The following COL19A1 variants were observed in gnomAD, a reference collection of about 807,000 sequenced individuals.
COL19A1 encodes the protein collagen alpha-1(XIX) chain.
In COL19A1, 159 loss-of-function variants were observed where a neutral mutation model predicts 190.2. The observed-to-expected ratio is 0.84, with a 90% CI of 0.73 to 0.95. COL19A1 has a LOEUF of 0.95. COL19A1 is among the 40% of genes least tolerant of loss of function. The pLI, the probability that COL19A1 is intolerant of heterozygous loss-of-function variation, is 0.00. For synonymous variants in COL19A1, 509 were observed against 458.9 expected (o/e 1.11, Z -1.39); for missense variants, 1,418 against 1,431.9 (o/e 0.99, Z 0.16).
chr6:70,202,466 A>C (rs900356930), intron 49 of COL19A1, among the ~76,000 whole-genome samples: 4 of 152,244 alleles, frequency 2.6e-5, no homozygotes, highest in African/African-American at 9.6e-5. Context: ...ATTTGACGAT[A>C]TATATCATCT....
chr6:69,975,710 T>C (rs898523052), intron 11 of COL19A1, among the ~76,000 whole-genome samples: 3 of 152,216 alleles, frequency 2.0e-5, no homozygotes, highest in African/African-American at 7.2e-5. Context: ...TTCTAGGTCC[T>C]TGAATTTTGT....
intron 2 of COL19A1, chr6:69,891,290 T>A (rs1346751126): frequency 6.5e-6 from 1 of 152,786 alleles, no homozygotes; most frequent in African/African-American, 2.4e-5. Flanking sequence ...AACCAACTAG[T>A]TTTAAGGTTT....
In COL19A1 at chr6:70,146,829, A is replaced by G. The variant is rs1786684224; in HGVS notation, c.1833A>G (p.Pro611=). ...PRGPKGERGL[P]GVHGSPGDIG... ...TTTCACAGGGTGAAAGAGGACTTCCAGGTGTTCACGGTTCCCCAGGGGACA... is the reference window on the plus strand; with the variant it reads ...TTTCACAGGGTGAAAGAGGACTTCCGGGTGTTCACGGTTCCCCAGGGGACA... The change falls in exon 27 of 51, where the codon CCA becomes CCG. Residue 611 remains proline (P), a synonymous_variant. Coordinates refer to ENST00000620364, the MANE Select transcript of COL19A1 (RefSeq NM_001858.6). 6.3e-7 allele frequency: 1 copy of G among 1,598,762 alleles called. No homozygotes were observed. The highest frequency in any genetic ancestry group is 1.3e-5 in the African/African-American group (1 of 74,350).
At position 69,917,618 on chromosome 6, in the gene COL19A1, C is replaced by T. The variant is rs1051316147; in HGVS notation, c.267-10291C>T. 3.9e-5 allele frequency among the ~76,000 whole-genome samples: 6 copies of T among 152,136 alleles called. No individual in the cohort carries two copies. In the Middle Eastern group the frequency reaches 0.01, roughly 259 times the overall value. ...GCACAAACCTATGAAGAAAACAGAA[C>T]AAGGTAATGTGTTAGATGGTGACTA... On this transcript the variant is annotated intron_variant, in intron 4 of 50. Transcript: ENST00000620364.
intron 4 of COL19A1, among the ~76,000 whole-genome samples, chr6:69,909,059 ATTAT>A (rs1770736724): frequency 6.6e-6 from 1 of 152,208 alleles, no homozygotes; most frequent in East Asian, 1.9e-4. Context: ...TAATGTCACT[ATTAT>A]TGCCTTCAAA....
At chr6:70,018,645 AT>A (rs1582693472) in intron 11 of COL19A1, among the ~76,000 whole-genome samples, 1 of 152,104 alleles carries the variant, frequency 6.6e-6, no homozygotes, top group East Asian at 1.9e-4. Flanking sequence ...CAGGTAGTTG[AT>A]TTGAGAGGGA....
At chr6:69,903,141 C>T (rs1770297271) in intron 4 of COL19A1, among the ~76,000 whole-genome samples, 1 of 152,198 alleles carries the variant, frequency 6.6e-6, no homozygotes, top group Non-Finnish European at 1.5e-5. Context: ...CTTTGGTGAT[C>T]ACTATCTACA....
intron 17 of COL19A1, 151 bp from the exon 18 acceptor site, chr6:70,130,031 G>A (rs887131699): frequency 1.6e-5 from 11 of 699,498 alleles, no homozygotes. Flanking sequence ...TTAACAACAG[G>A]CGAGAGAGAC....
chr6:69,906,236 A>G (rs549595104), intron 4 of COL19A1, among the ~76,000 whole-genome samples: 19 of 152,346 alleles, frequency 1.2e-4, no homozygotes, highest in African/African-American at 4.3e-4. Context: ...GAATTTCTAC[A>G]TGCTGTTGGT....
intron 13 of COL19A1, among the ~76,000 whole-genome samples, chr6:70,035,293 C>T (rs185797518): frequency 6.6e-6 from 1 of 152,066 alleles, no homozygotes; most frequent in Admixed American, 6.6e-5. Context: ...TTAGATGAAC[C>T]ATTTTTTAAA....
chr6:69,975,626 T>C (rs915798353), intron 11 of COL19A1, among the ~76,000 whole-genome samples: 1 of 152,246 alleles, frequency 6.6e-6, no homozygotes, highest in Non-Finnish European at 1.5e-5. Context: ...CTGATGTTTC[T>C]GTTTGTTAAC....
At chr6:70,063,475 T>C (rs947079300) in intron 14 of COL19A1, among the ~76,000 whole-genome samples, 1 of 151,866 alleles carries the variant, frequency 6.6e-6, no homozygotes, top group African/African-American at 2.4e-5. Flanking sequence ...GGGACACATT[T>C]AAAGCAGTGT....
At chr6:70,092,025 G>A (rs1287361927) in intron 15 of COL19A1, among the ~76,000 whole-genome samples, 2 of 152,110 alleles carry the variant, frequency 1.3e-5, no homozygotes, top group East Asian at 1.9e-4. Flanking sequence ...AAAGGTCATC[G>A]ATACATTTTC....
At chr6:69,906,203 A>G (rs1391727218) in intron 4 of COL19A1, among the ~76,000 whole-genome samples, 1 of 152,184 alleles carries the variant, frequency 6.6e-6, no homozygotes, top group Non-Finnish European at 1.5e-5. Context: ...ATGTCTTAGT[A>G]TTGAATATTT....
intron 11 of COL19A1, among the ~76,000 whole-genome samples, chr6:70,018,373 A>C (rs1481042084): frequency 6.6e-6 from 1 of 152,098 alleles, no homozygotes; most frequent in African/African-American, 2.4e-5. Context: ...AAGGACCTAG[A>C]ATTAGGTTAG....
chr6:70,186,957 A>G (rs1766559539), intron 46 of COL19A1, among the ~76,000 whole-genome samples: 1 of 152,122 alleles, frequency 6.6e-6, no homozygotes, highest in South Asian at 2.1e-4. Context: ...AACTCACCGC[A>G]ACCTCCGCCT....
At chr6:70,127,101 G>A (rs928326201) in intron 17 of COL19A1, among the ~76,000 whole-genome samples, 2 of 152,104 alleles carry the variant, frequency 1.3e-5, no homozygotes, top group Non-Finnish European at 2.9e-5. Flanking sequence ...CTAGTTTCTG[G>A]CCAGACAAAA....
intron 17 of COL19A1, among the ~76,000 whole-genome samples, chr6:70,125,949 C>T (rs1226542091): frequency 1.3e-5 from 2 of 152,060 alleles, no homozygotes; most frequent in Non-Finnish European, 2.9e-5. Context: ...CCTTACTACA[C>T]TTTAAATGGA....
intron 10 of COL19A1, among the ~76,000 whole-genome samples, chr6:69,960,795 T>A (rs1326036940): frequency 6.6e-6 from 1 of 151,574 alleles, no homozygotes; most frequent in African/African-American, 2.4e-5. Flanking sequence ...GCCGGCTAAT[T>A]TTTTTTTGTA....
Sources: gnomAD v4.1 joint callset for allele counts (sites outside exome capture counted in the v4.1 genomes callset) on GRCh38, gnomAD v4.1.1 for gene constraint, MANE v1.5 for transcripts, NCBI Gene and HGNC (gene_info 2026-07-23, HGNC 2026-07-21) for gene names.